Variants in COLEC12 observed in about 807,000 individuals in gnomAD.
COLEC12 encodes collectin-12.
A neutral mutation model predicts 71.1 loss-of-function variants in COLEC12; 33 were observed. The observed-to-expected ratio is 0.46, with a 90% confidence interval of 0.35 to 0.62. COLEC12 has a LOEUF of 0.62. Among genes scored for constraint, COLEC12 ranks in the 20% least tolerant of loss-of-function variants. The probability of loss-of-function intolerance (pLI) is 0.00; values close to 1 mark genes in which losing one functional copy is unlikely to be tolerated. For synonymous variants in COLEC12, 350 were observed against 353.0 expected (o/e 0.99, Z 0.10); for missense variants, 765 against 916.1 (o/e 0.84, Z 2.13).
chr18:434,116 C>T (rs1916358679), intron 2 of COLEC12, among the ~76,000 whole-genome samples: 1 of 152,150 alleles, frequency 6.6e-6, no homozygotes, highest in Non-Finnish European at 1.5e-5. Flanking sequence ...AGTCATTACG[C>T]TTATATGAGG....
chr18:320,058 G>T lies in COLEC12; in HGVS notation c.2216C>A (p.Ser739Ter). 1 of 1,549,822 alleles carries T rather than the reference G, an allele frequency of 6.5e-7. No individual in the cohort carries two copies. The highest frequency in any genetic ancestry group is 1.2e-5 in the South Asian group (1 of 85,204). ...CATCACAGTCCGTTATAATGCAGAT[G>T]ACAGTACTAAAAGAGAGAAATAAGA... ...ICEKDRETVL[S>*]SAL Residue 739 changes from serine (S) to a stop codon, truncating the protein, a stop_gained, in exon 10 of 10, where the codon TCA (serine) becomes TAA (stop). Coordinates refer to ENST00000400256, the MANE Select transcript of COLEC12 (RefSeq NM_130386.3). LOFTEE classifies it high-confidence loss of function.
intron 1 of COLEC12, among the ~76,000 whole-genome samples, chr18:499,207 C>G (rs1370671339): frequency 6.6e-6 from 1 of 152,178 alleles, no homozygotes; most frequent in East Asian, 1.9e-4. Flanking sequence ...AGAAGGAAAG[C>G]AAGCCACTGC....
chr18:357,316 G>A (rs979003173), intron 3 of COLEC12, 84 bp downstream of exon 3: 66 of 1,301,202 alleles, frequency 5.1e-5, no homozygotes, highest in African/African-American at 4.2e-4. Context: ...GAAATACTTC[G>A]TATTTGCAAA....
At chr18:466,861 C>T (rs942828087) in intron 2 of COLEC12, among the ~76,000 whole-genome samples, 6 of 152,196 alleles carry the variant, frequency 3.9e-5, no homozygotes, top group African/African-American at 1.4e-4. Context: ...GCCTTATCCC[C>T]AACCCCAAAG....
intron 5 of COLEC12, among the ~76,000 whole-genome samples, chr18:336,019 C>T (rs1342195936): frequency 6.6e-6 from 1 of 152,158 alleles, no homozygotes; most frequent in Non-Finnish European, 1.5e-5. Flanking sequence ...TTCCTCTTGT[C>T]CTTAATTTGG....
intron 2 of COLEC12, among the ~76,000 whole-genome samples, chr18:432,996 C>T (rs186222524): frequency 6.6e-5 from 10 of 152,292 alleles, no homozygotes; most frequent in Admixed American, 2.0e-4. Context: ...AAGTCTGTGG[C>T]TTTCATGGCA....
At chr18:321,898 T>C in intron 8 of COLEC12, 91 bp from the exon 9 acceptor site, 1 of 1,216,838 alleles carries the variant, frequency 8.2e-7, no homozygotes, top group Non-Finnish European at 1.2e-6. Context: ...AAAAACAAAA[T>C]TGAAGCATGT....
chr18:458,642 C>A (rs1239856209), intron 2 of COLEC12, among the ~76,000 whole-genome samples: 1 of 152,262 alleles, frequency 6.6e-6, no homozygotes, highest in Non-Finnish European at 1.5e-5. Context: ...ACTGGACAGA[C>A]CACCTGTTCA....
chr18:457,862 C>T lies in COLEC12; in HGVS notation c.58+22845G>A, dbSNP rs57282695. On this transcript the variant is annotated intron_variant, in intron 2 of 9. Transcript: ENST00000400256. ...TGGATCCTTGACTGTTTAGTGCTTA[C>T]GATTGAGGAGACGGCGTATCTTACT... 0.011 allele frequency among the ~76,000 whole-genome samples: 1,688 copies of T among 152,240 alleles called. 73 individuals are homozygous for T. In the East Asian group the frequency reaches 0.13, roughly 12 times the overall value.
intron 8 of COLEC12, among the ~76,000 whole-genome samples, chr18:326,569 G>A (rs977712818): frequency 5.9e-5 from 9 of 152,172 alleles, no homozygotes; most frequent in African/African-American, 1.7e-4. Context: ...GGATGGTCTC[G>A]AACTCTTGGC....
At chr18:459,754 T>C in intron 2 of COLEC12, among the ~76,000 whole-genome samples, 1 of 152,210 alleles carries the variant, frequency 6.6e-6, no homozygotes, top group East Asian at 1.9e-4. Flanking sequence ...GCCTCTCAGC[T>C]ATGAGAGTAC....
chr18:391,679 G>T (rs1053954163), intron 2 of COLEC12, among the ~76,000 whole-genome samples: 7 of 152,064 alleles, frequency 4.6e-5, no homozygotes, highest in Admixed American at 4.6e-4. Flanking sequence ...ATTTTCAGGG[G>T]GAACCAGAGA....
chr18:421,009 G>A (rs546113167), intron 2 of COLEC12, among the ~76,000 whole-genome samples: 3 of 152,270 alleles, frequency 2.0e-5, no homozygotes, highest in Admixed American at 6.5e-5. Context: ...CAAACTAGCC[G>A]TTCCTAACCT....
intron 1 of COLEC12, among the ~76,000 whole-genome samples, chr18:483,936 C>T (rs1917472847): frequency 6.6e-6 from 1 of 152,194 alleles, no homozygotes; most frequent in Non-Finnish European, 1.5e-5. Flanking sequence ...CAGCTCTATC[C>T]TTTCCACCAC....
chr18:349,476 T>TAGGGCAGTGTGGA (rs1914460261), intron 3 of COLEC12, among the ~76,000 whole-genome samples: 1 of 152,256 alleles, frequency 6.6e-6, no homozygotes, highest in Non-Finnish European at 1.5e-5. Context: ...GAACCTCTGC[T>TAGGGCAGTGTGGA]AGGGCAGTGT....
intron 2 of COLEC12, among the ~76,000 whole-genome samples, chr18:358,998 G>T (rs117958002): frequency 6.6e-6 from 1 of 151,896 alleles, no homozygotes; most frequent in African/African-American, 2.4e-5. Context: ...TGATAATTAC[G>T]ATGATAATTT....
At chr18:440,225 T>C (rs918864852) in intron 2 of COLEC12, among the ~76,000 whole-genome samples, 3 of 151,864 alleles carry the variant, frequency 2.0e-5, no homozygotes, top group Non-Finnish European at 2.9e-5. Context: ...GAGGTGCTGG[T>C]TAAAGGGGTA....
chr18:323,819 G>A (rs1249044335), intron 8 of COLEC12, among the ~76,000 whole-genome samples: 4 of 151,936 alleles, frequency 2.6e-5, no homozygotes. Flanking sequence ...GACTTCTTTG[G>A]GCTTAGAAGT....
chr18:499,243 T>C (rs1917771741), intron 1 of COLEC12, among the ~76,000 whole-genome samples: 1 of 152,136 alleles, frequency 6.6e-6, no homozygotes, highest in Admixed American at 6.5e-5. Flanking sequence ...AGGTAGGCAG[T>C]TGTATCGTGT....
Sources: gnomAD v4.1 joint callset for allele counts (sites outside exome capture counted in the v4.1 genomes callset) on GRCh38, gnomAD v4.1.1 for gene constraint, MANE v1.5 for transcripts, NCBI Gene and HGNC (gene_info 2026-07-23, HGNC 2026-07-21) for gene names.